The following LRCH3 variants were observed in gnomAD, a reference collection of about 807,000 sequenced individuals.
LRCH3 encodes the protein leucine rich repeats and calponin homology domain containing 3.
A neutral mutation model predicts 104.5 loss-of-function variants in LRCH3; 68 were observed. The ratio of observed to expected loss-of-function variants is 0.65; its 90% CI spans 0.54 to 0.80. The LOEUF is 0.80. Ranked by LOEUF, LRCH3 falls within the 30% of genes least tolerant of loss-of-function variation. The pLI is 0.00. For missense variants in LRCH3, 951 were observed against 953.9 expected, an observed-to-expected ratio of 1.00 and a Z score of 0.04; for synonymous variants, 344 against 361.3, an observed-to-expected ratio of 0.95 and a Z score of 0.54.
At chr3:197,814,254 A>G (rs1733558275) in intron 1 of LRCH3, among the ~76,000 whole-genome samples, 1 of 152,200 alleles carries the variant, frequency 6.6e-6, no homozygotes, top group Non-Finnish European at 1.5e-5. Context: ...GCAGGAACAA[A>G]AGTGGAAACC....
intron 1 of LRCH3, 29 bp downstream of exon 1, chr3:197,791,569 G>A (rs1286768240): frequency 2.7e-6 from 4 of 1,506,666 alleles, no homozygotes; most frequent in Middle Eastern, 2.0e-4. Flanking sequence ...GTCTCTGCCC[G>A]TCGGAGACCC....
chr3:197,825,464 ATTTTTTTTTTTTTTTTT>A (rs58237989), intron 4 of LRCH3, among the ~76,000 whole-genome samples: 30 of 20,072 alleles, frequency 1.5e-3, no homozygotes, highest in African/African-American at 3.7e-3. Context: ...ATCCTCTTTG[ATTTTTTTTTTTTTTTTT>A]TTTTTTTTTT....
chr3:197,843,864 T>C (rs1344646164), intron 10 of LRCH3, among the ~76,000 whole-genome samples: 1 of 152,208 alleles, frequency 6.6e-6, no homozygotes, highest in African/African-American at 2.4e-5. Flanking sequence ...TCTTAAGCAC[T>C]ATAGTGGTTC....
chr3:197,824,697 A>G lies in LRCH3; in HGVS notation c.641-2181A>G, dbSNP rs1247960052. Among the ~76,000 whole-genome samples, 15 of 149,434 alleles carry G rather than the reference A, an allele frequency of 1.0e-4. 2 individuals carry two copies. In the East Asian group the frequency reaches 3.0e-3, roughly 30 times the overall value. On this transcript the variant is annotated intron_variant, in intron 4 of 20. Coordinates refer to ENST00000425562, the MANE Select transcript of LRCH3 (RefSeq NM_001365715.1). ...AAGTGATTCTCTGCCTCAGCCTCCC[A>G]AGTAGCTGGGATTATAGGAGCCCGC...
intron 1 of LRCH3, among the ~76,000 whole-genome samples, chr3:197,812,503 A>C: frequency 1.2e-4 from 1 of 8,592 alleles, no homozygotes. Flanking sequence ...CTCTGCTTTC[A>C]GTTTTTTTTT....
chr3:197,878,785 T>G (rs1016132218), intron 20 of LRCH3, among the ~76,000 whole-genome samples: 1 of 152,244 alleles, frequency 6.6e-6, no homozygotes, highest in Non-Finnish European at 1.5e-5. Context: ...AACTTCTACC[T>G]CCTCGTCTTC....
chr3:197,867,409 T>G (rs1741619593), intron 17 of LRCH3, among the ~76,000 whole-genome samples: 1 of 149,030 alleles, frequency 6.7e-6, no homozygotes, highest in East Asian at 2.1e-4. Flanking sequence ...GTGTGAAACT[T>G]ATGTCTCAAA....
At chr3:197,840,372 G>A (rs965887350) in intron 10 of LRCH3, among the ~76,000 whole-genome samples, 7 of 152,148 alleles carry the variant, frequency 4.6e-5, no homozygotes, top group South Asian at 4.1e-4. Flanking sequence ...CAGGATAATC[G>A]CTTGAACCCA....
chr3:197,869,884 G>A (rs1440154952), intron 17 of LRCH3, among the ~76,000 whole-genome samples: 8 of 150,216 alleles, frequency 5.3e-5, no homozygotes, highest in South Asian at 2.1e-4. Flanking sequence ...AGAAAGCCAT[G>A]CAGTGTACCT....
At chr3:197,879,655 A>G (rs1429725347) in intron 20 of LRCH3, among the ~76,000 whole-genome samples, 1 of 151,794 alleles carries the variant, frequency 6.6e-6, no homozygotes, top group African/African-American at 2.4e-5. Flanking sequence ...TAAAACAGAC[A>G]CCCTCTGATT....
intron 20 of LRCH3, among the ~76,000 whole-genome samples, chr3:197,879,792 C>T (rs1344325007): frequency 6.6e-6 from 1 of 151,844 alleles, no homozygotes; most frequent in Admixed American, 6.6e-5. Context: ...ACGTCCGTCT[C>T]CTCAGCCTCT....
chr3:197,825,641 A>G (rs111851436), intron 4 of LRCH3, among the ~76,000 whole-genome samples: 12 of 150,508 alleles, frequency 8.0e-5, no homozygotes, highest in Admixed American at 4.0e-4. Flanking sequence ...CACCACGCCC[A>G]GCTAATTTTT....
At position 197,845,522 on chromosome 3, in the gene LRCH3, C is replaced by T. The variant is rs112445052; in HGVS notation, c.1329-1887C>T. Among the ~76,000 whole-genome samples, 501 of 151,644 alleles carry T rather than the reference C, an allele frequency of 3.3e-3. 5 individuals carry two copies. The highest frequency in any genetic ancestry group is 0.011 in the African/African-American group (458 of 41,358). On this transcript the variant is annotated intron_variant, in intron 10 of 20. Transcript: ENST00000425562. ...TATGTCTCAGTATTCCATGCTTTTT[C>T]GGGGGAGGGTGCTACTGTCATTCAT...
At chr3:197,800,987 C>T (rs1029243606) in intron 1 of LRCH3, among the ~76,000 whole-genome samples, 1 of 151,568 alleles carries the variant, frequency 6.6e-6, no homozygotes, top group Non-Finnish European at 1.5e-5. Context: ...TTTAGCTACT[C>T]AGGAGGCTGA....
At chr3:197,880,169 T>A (rs1382026833) in intron 20 of LRCH3, among the ~76,000 whole-genome samples, 1 of 151,740 alleles carries the variant, frequency 6.6e-6, no homozygotes, top group Non-Finnish European at 1.5e-5. Flanking sequence ...ATGGTCTCGA[T>A]CTCCTGACCT....
chr3:197,859,709 T>G lies in LRCH3; in HGVS notation c.1716+804T>G, dbSNP rs1740664100. On this transcript the variant is annotated intron_variant, in intron 15 of 20. Transcript: ENST00000425562. ...AACTTACAACTGTCCTGCTGTGGTT[T>G]ATACTTCTTTTCTTTCCAGAGTGGA... Among the ~76,000 whole-genome samples, 2 of 152,216 alleles carry G rather than the reference T, an allele frequency of 1.3e-5. 1 individual carries two copies. The highest frequency in any genetic ancestry group is 1.3e-4 in the Admixed American group (2 of 15,282).
chr3:197,795,665 A>G (rs1351143016), intron 1 of LRCH3, among the ~76,000 whole-genome samples: 2 of 142,808 alleles, frequency 1.4e-5, no homozygotes, highest in Non-Finnish European at 3.0e-5. Flanking sequence ...CTTTCTGCTT[A>G]AGGTGAGTAA....
At chr3:197,815,200 C>G (rs560524837) in intron 2 of LRCH3, 148 bp downstream of exon 2, 2 of 483,374 alleles carry the variant, frequency 4.1e-6, no homozygotes, top group South Asian at 4.6e-5. Context: ...ACAGTATTTC[C>G]TATGTCCCTC....
At chr3:197,820,056 A>G (rs532800735) in intron 3 of LRCH3, among the ~76,000 whole-genome samples, 2 of 152,298 alleles carry the variant, frequency 1.3e-5, no homozygotes, top group East Asian at 3.9e-4. Context: ...TCTTTTAGTC[A>G]TATTGGAAGA....
Sources: gnomAD v4.1 joint callset for allele counts (sites outside exome capture counted in the v4.1 genomes callset) on GRCh38, gnomAD v4.1.1 for gene constraint, MANE v1.5 for transcripts, NCBI Gene and HGNC (gene_info 2026-07-23, HGNC 2026-07-21) for gene names.